GAB2: variants seen among roughly 807,000 people sequenced by gnomAD.
The protein encoded by GAB2 is GRB2-associated-binding protein 2.
A neutral mutation model predicts 65.5 loss-of-function variants in GAB2; 26 were observed. The ratio of observed to expected loss-of-function variants is 0.40; its 90% CI spans 0.29 to 0.55. GAB2 has a LOEUF of 0.55. Among genes scored for constraint, GAB2 ranks in the 20% least tolerant of loss-of-function variants. The pLI is 0.53. For missense variants in GAB2, 884 were observed against 875.8 expected (o/e 1.01, Z -0.12); for synonymous variants, 321 against 329.6 (o/e 0.97, Z 0.28).
chr11:78,377,354 T>G (rs1167574976), intron 1 of GAB2, among the ~76,000 whole-genome samples: 1 of 152,164 alleles, frequency 6.6e-6, no homozygotes, highest in East Asian at 1.9e-4. Context: ...AAAAGGCGAC[T>G]GGATGGAAGT....
chr11:78,242,477 G>C (rs985115235), intron 3 of GAB2, among the ~76,000 whole-genome samples: 4 of 151,802 alleles, frequency 2.6e-5, no homozygotes, highest in African/African-American at 9.7e-5. Context: ...ACTCCAGCCT[G>C]GGCGACAGAG....
chr11:78,283,580 G>A (rs1373859106), intron 1 of GAB2, among the ~76,000 whole-genome samples: 1 of 151,838 alleles, frequency 6.6e-6, no homozygotes, highest in Non-Finnish European at 1.5e-5. Context: ...CTATAATCAG[G>A]CTATCCCCCA....
At chr11:78,369,374 C>T (rs1856539079) in intron 1 of GAB2, among the ~76,000 whole-genome samples, 1 of 152,150 alleles carries the variant, frequency 6.6e-6, no homozygotes, top group Non-Finnish European at 1.5e-5. Flanking sequence ...CTTACTGTAG[C>T]AAAGTTAAAA....
chr11:78,346,447 A>G (rs1452234923), intron 1 of GAB2, among the ~76,000 whole-genome samples: 4 of 151,986 alleles, frequency 2.6e-5, no homozygotes, highest in African/African-American at 4.8e-5. Flanking sequence ...CCCATTTTAC[A>G]GAATAGGAAA....
At chr11:78,243,844 A>G (rs746364315) in intron 3 of GAB2, among the ~76,000 whole-genome samples, 66 of 152,176 alleles carry the variant, frequency 4.3e-4, no homozygotes, top group Admixed American at 1.6e-3. Flanking sequence ...ACTCTGTCTC[A>G]GAAAAAGAAA....
intron 2 of GAB2, among the ~76,000 whole-genome samples, chr11:78,279,028 T>C (rs557616682): frequency 2.0e-5 from 3 of 151,684 alleles, no homozygotes; most frequent in East Asian, 3.9e-4. Flanking sequence ...CCATCAGGAA[T>C]AAAATAAAGG....
chr11:78,337,754 G>T (rs1410891176), intron 1 of GAB2, among the ~76,000 whole-genome samples: 1 of 152,166 alleles, frequency 6.6e-6, no homozygotes, highest in Non-Finnish European at 1.5e-5. Flanking sequence ...ATTCTGTGTA[G>T]ATCCTGTAAT....
chr11:78,411,303 C>T (rs1857125897), intron 1 of GAB2, among the ~76,000 whole-genome samples: 1 of 152,130 alleles, frequency 6.6e-6, no homozygotes, highest in Non-Finnish European at 1.5e-5. Flanking sequence ...GATTAATGCA[C>T]TTCCTATTAA....
chr11:78,275,809 T>C (rs1365492601), intron 2 of GAB2, among the ~76,000 whole-genome samples: 2 of 152,142 alleles, frequency 1.3e-5, no homozygotes. Context: ...TCTATATCTA[T>C]ATATATGAAT....
At chr11:78,290,280 A>G (rs1179119064) in intron 1 of GAB2, among the ~76,000 whole-genome samples, 2 of 152,188 alleles carry the variant, frequency 1.3e-5, no homozygotes, top group African/African-American at 4.8e-5. Flanking sequence ...TACTGTCAAG[A>G]AAGTTGGAAA....
At position 78,338,489 on chromosome 11, in the gene GAB2, T is replaced by G. The variant is rs555894824; in HGVS notation, c.76-57588A>C. 2.6e-5 allele frequency among the ~76,000 whole-genome samples: 4 copies of G among 152,348 alleles called. No individual in the cohort carries two copies. The South Asian group carries it at 8.3e-4, about 32-fold the overall frequency. On this transcript the variant is annotated intron_variant, in intron 1 of 9. Coordinates refer to ENST00000361507, the MANE Select transcript of GAB2 (RefSeq NM_080491.3). ...CAGGAACTGCTTATTCTAGACTTCT[T>G]GTAATGTGAGAAAAATCAACTATTT...
intron 1 of GAB2, among the ~76,000 whole-genome samples, chr11:78,316,831 T>A (rs1293451782): frequency 6.6e-6 from 1 of 152,236 alleles, no homozygotes; most frequent in Non-Finnish European, 1.5e-5. Context: ...GGAATATTTT[T>A]ACACCTATGT....
At chr11:78,308,865 A>T (rs1240808577) in intron 1 of GAB2, among the ~76,000 whole-genome samples, 1 of 152,162 alleles carries the variant, frequency 6.6e-6, no homozygotes, top group South Asian at 2.1e-4. Context: ...TTTCCTTTAT[A>T]GTACAGTATA....
Position 78,355,468 on chromosome 11 carries a change from A to T in GAB2, c.75+62178T>A, listed in dbSNP as rs529884747. Among the ~76,000 whole-genome samples, 46 of 152,300 alleles carry T rather than the reference A, an allele frequency of 3.0e-4. No homozygotes were observed. In the South Asian group the frequency reaches 9.1e-3, roughly 30 times the overall value. On this transcript the variant is annotated intron_variant, in intron 1 of 9. Transcript: ENST00000361507. ...AGAATTCTTGCCTCTACTCTGACCC[A>T]TGTATCAGTGTCAGGTCATCTTTAT...
intron 1 of GAB2, among the ~76,000 whole-genome samples, chr11:78,369,135 C>G (rs1156575114): frequency 7.0e-6 from 1 of 142,994 alleles, no homozygotes; most frequent in Non-Finnish European, 1.5e-5. Flanking sequence ...GACAGAGACC[C>G]TGTCTCAAAA....
intron 2 of GAB2, 70 bp downstream of exon 2, chr11:78,280,531 C>A: frequency 1.6e-6 from 2 of 1,247,828 alleles, no homozygotes; most frequent in Non-Finnish European, 2.3e-6. Flanking sequence ...AGAGCCTGCT[C>A]TCAATGCTCC....
chr11:78,339,740 G>T lies in GAB2; in HGVS notation c.76-58839C>A, dbSNP rs575161777. ...AACATCCCCTCTACAGAGCTGATAG[G>T]TCACCTGCCTCAACCAATTAGCTAA... is the stretch of plus-strand genomic sequence containing the variant. On this transcript the variant is annotated intron_variant, in intron 1 of 9. Transcript: ENST00000361507. Among the ~76,000 whole-genome samples the T allele has an allele frequency of 5.9e-5, 9 of 152,290 alleles. No individual in the cohort carries two copies. The East Asian group carries it at 1.7e-3, about 29-fold the overall frequency.
intron 1 of GAB2, among the ~76,000 whole-genome samples, chr11:78,383,373 A>G (rs1341714122): frequency 6.6e-6 from 1 of 152,084 alleles, no homozygotes; most frequent in African/African-American, 2.4e-5. Context: ...TAGGCATAAG[A>G]TAAAAAATTC....
chr11:78,357,995 T>C (rs892759531), intron 1 of GAB2, among the ~76,000 whole-genome samples: 3 of 152,074 alleles, frequency 2.0e-5, no homozygotes, highest in African/African-American at 4.8e-5. Flanking sequence ...CACATGTACA[T>C]GTATGTTTAT....
Sources: gnomAD v4.1 joint callset for allele counts (sites outside exome capture counted in the v4.1 genomes callset) on GRCh38, gnomAD v4.1.1 for gene constraint, MANE v1.5 for transcripts, NCBI Gene and HGNC (gene_info 2026-07-23, HGNC 2026-07-21) for gene names.